The following SPAST variants were observed in gnomAD, a reference collection of about 807,000 sequenced individuals.
The protein encoded by SPAST is spastin.
SPAST carries 30 observed loss-of-function variants against 76.6 expected under a neutral mutation model. The ratio of observed to expected loss-of-function variants is 0.39; its 90% confidence interval spans 0.29 to 0.53. The LOEUF is 0.53. Among genes scored for constraint, SPAST ranks in the 20% least tolerant of loss-of-function variants. The pLI is 0.68. For missense variants in SPAST, 717 were observed against 770.5 expected (o/e 0.93, Z 0.82); for synonymous variants, 305 against 281.0 (o/e 1.09, Z -0.86).
intron 16 of SPAST, among the ~76,000 whole-genome samples, chr2:32,150,931 A>G (rs1285550633): frequency 1.3e-5 from 2 of 149,476 alleles, no homozygotes; most frequent in Non-Finnish European, 3.0e-5. Flanking sequence ...TATTGTTACA[A>G]TATTTGGTTC....
chr2:32,148,997 C>T (rs981708241), intron 16 of SPAST, among the ~76,000 whole-genome samples: 3 of 151,710 alleles, frequency 2.0e-5, no homozygotes, highest in Admixed American at 6.6e-5. Context: ...TTACATGAAA[C>T]TTGTGGGGGT....
chr2:32,127,637 G>A (rs1679238225), intron 8 of SPAST: 3 of 150,566 alleles, frequency 2.0e-5, no homozygotes, highest in African/African-American at 7.3e-5. Flanking sequence ...CTTTATTTAA[G>A]TAATCAGTAT....
chr2:32,132,979 G>C (rs1679420417), intron 9 of SPAST, among the ~76,000 whole-genome samples: 1 of 152,036 alleles, frequency 6.6e-6, no homozygotes, highest in Non-Finnish European at 1.5e-5. Flanking sequence ...CCAGGAGGCG[G>C]AGGTTGCGGT....
In SPAST at chr2:32,155,571, A is replaced by G. The variant is rs1680225582; in HGVS notation, c.*1075A>G. The G allele has an allele frequency of 6.6e-6, 1 of 152,360 alleles. No individual in the cohort carries two copies. Among genetic ancestry groups the G allele is most frequent in the African/African-American group, 2.4e-5 (1 of 41,422 alleles). 9.4% of individuals were successfully genotyped at this position (152,360 alleles called of 1,614,324 possible). A position where few individuals can be genotyped will look rare whatever the true frequency, so the allele number is the denominator to read the frequency against. ...TTTTATACATGGCATACATTTTTCT[A>G]GTTCCTTCTGCTTGCTTTATTAACT... On this transcript the variant is annotated 3_prime_UTR_variant, in exon 17 of 17. Transcript: ENST00000315285.
intron 4 of SPAST, among the ~76,000 whole-genome samples, chr2:32,099,328 C>T (rs1471894732): frequency 6.6e-6 from 1 of 151,864 alleles, no homozygotes; most frequent in Admixed American, 6.6e-5. Flanking sequence ...TCTTATAGTA[C>T]TTGATAGAAG....
At chr2:32,066,944 G>A (rs1056673806) in intron 1 of SPAST, among the ~76,000 whole-genome samples, 7 of 107,864 alleles carry the variant, frequency 6.5e-5, no homozygotes, top group African/African-American at 2.6e-4. Context: ...ACTGCACTCC[G>A]AACTGGGTGA....
rs968319330 is a variant in SPAST, at chr2:32,115,572, C to G, written c.871-130C>G. 92 of 656,662 alleles carry G rather than the reference C, an allele frequency of 1.4e-4. 1 individual carries two copies. The East Asian group carries it at 2.3e-3, about 16-fold the overall frequency. The allele number at this position is 656,662 out of a possible 1,614,324, so 40.7% of individuals were successfully genotyped here. On this transcript the variant is annotated intron_variant, in intron 5 of 16. Coordinates refer to ENST00000315285, the MANE Select transcript of SPAST (RefSeq NM_014946.4). ...TTTTACCTTCAGGTAAATAAATATA[C>G]AATTTATGGATTTTTATACCCTTTT...
At chr2:32,091,466 G>A (rs1352769509) in intron 3 of SPAST, among the ~76,000 whole-genome samples, 3 of 150,210 alleles carry the variant, frequency 2.0e-5, no homozygotes, top group African/African-American at 2.4e-5. Context: ...TAGTAGGGAC[G>A]GGGTTTCACC....
At chr2:32,119,473 C>T (rs1015678801) in intron 7 of SPAST, among the ~76,000 whole-genome samples, 3 of 152,102 alleles carry the variant, frequency 2.0e-5, no homozygotes, top group Non-Finnish European at 2.9e-5. Flanking sequence ...AATTAGTCAT[C>T]TAAAACTGGT....
At chr2:32,091,759 A>G (rs903619147) in intron 3 of SPAST, among the ~76,000 whole-genome samples, 3 of 151,744 alleles carry the variant, frequency 2.0e-5, no homozygotes, top group South Asian at 2.1e-4. Context: ...GCATGAACCC[A>G]GGAGGCGGAG....
chr2:32,126,710 C>A, intron 7 of SPAST: 1 of 413,632 alleles, frequency 2.4e-6, no homozygotes, highest in Non-Finnish European at 4.4e-6. Context: ...TGGTCTTGAA[C>A]TCTTGGGCTC....
chr2:32,148,800 G>A (rs1679979868), intron 16 of SPAST, among the ~76,000 whole-genome samples: 1 of 139,462 alleles, frequency 7.2e-6, no homozygotes, highest in Non-Finnish European at 1.5e-5. Flanking sequence ...GACAGAGCAA[G>A]ACTCCATCTC....
At chr2:32,088,717 AC>A (rs34088841) in intron 2 of SPAST, among the ~76,000 whole-genome samples, 60,920 of 151,960 alleles carry the variant, frequency 0.4, 12,490 homozygotes, top group East Asian at 0.64. Context: ...AGAGTAAAAA[AC>A]AATTTAATTA....
intron 7 of SPAST, among the ~76,000 whole-genome samples, chr2:32,122,369 T>A (rs973029454): frequency 1.3e-5 from 2 of 152,192 alleles, no homozygotes; most frequent in African/African-American, 4.8e-5. Flanking sequence ...TTGCCCAGGC[T>A]GGAGTGCCTT....
chr2:32,110,618 GTA>G (rs1678533142), intron 4 of SPAST, among the ~76,000 whole-genome samples: 1 of 130,272 alleles, frequency 7.7e-6, no homozygotes, highest in South Asian at 2.3e-4. Context: ...ACTATATAGT[GTA>G]TATATAGTAT....
At chr2:32,107,452 C>G (rs931583570) in intron 4 of SPAST, among the ~76,000 whole-genome samples, 3 of 152,004 alleles carry the variant, frequency 2.0e-5, no homozygotes, top group Admixed American at 6.6e-5. Flanking sequence ...GAGGTTTCAC[C>G]ATGTTGGTCA....
At chr2:32,115,966 C>T in intron 6 of SPAST, 131 bp downstream of exon 6, 1 of 964,510 alleles carries the variant, frequency 1.0e-6, no homozygotes, top group South Asian at 1.5e-5. Flanking sequence ...TGATAGTTTT[C>T]AATTATAAAT....
At chr2:32,147,344 G>GTTTTT (rs1679922827) in intron 16 of SPAST, 86 bp downstream of exon 16, 5 of 266,524 alleles carry the variant, frequency 1.9e-5, no homozygotes, top group African/African-American at 1.6e-4. Flanking sequence ...GTGTGTGTGT[G>GTTTTT]GTTTTTTTTT....
At position 32,114,614 on chromosome 2, in the gene SPAST, A is replaced by G. The variant is rs765581987; in HGVS notation, c.683-24A>G. 9 of 1,601,710 alleles carry G rather than the reference A, an allele frequency of 5.6e-6. No homozygotes were observed. Among genetic ancestry groups the G allele is most frequent in the African/African-American group, 4.0e-5 (3 of 74,692 alleles). On this transcript the variant is annotated intron_variant, in intron 4 of 16. Coordinates refer to ENST00000315285, the MANE Select transcript of SPAST (RefSeq NM_014946.4). Reference sequence around the variant, plus strand: ...GTTCAGCTACAATTTTCTAATCACAATGGTTTTACTTTTTCCTTGTCAGAA... The same window carrying G: ...GTTCAGCTACAATTTTCTAATCACAGTGGTTTTACTTTTTCCTTGTCAGAA...
Sources: gnomAD v4.1 joint callset for allele counts (sites outside exome capture counted in the v4.1 genomes callset) on GRCh38, gnomAD v4.1.1 for gene constraint, MANE v1.5 for transcripts, NCBI Gene and HGNC (gene_info 2026-07-23, HGNC 2026-07-21) for gene names.